Variants in ARHGEF38 observed in about 807,000 individuals in gnomAD.
ARHGEF38 encodes the protein Rho guanine nucleotide exchange factor 38.
In ARHGEF38, 79 loss-of-function variants were observed where a neutral mutation model predicts 79.9. That is an observed-to-expected ratio of 0.99 (90% CI 0.82 to 1.19). The LOEUF (loss-of-function observed/expected upper bound fraction) is 1.19. Ranked by LOEUF, ARHGEF38 falls within the 50% of genes most tolerant of loss-of-function variation. ARHGEF38 has a pLI of 0.00. For missense variants in ARHGEF38, 962 were observed against 907.2 expected (o/e 1.06, Z -0.78); for synonymous variants, 366 against 328.3 (o/e 1.11, Z -1.24).
chr4:105,570,147 C>T (rs1726149201), intron 1 of ARHGEF38: 1 of 152,190 alleles, frequency 6.6e-6, no homozygotes, highest in Non-Finnish European at 1.5e-5. Context: ...TATTTACATA[C>T]ATTCACTGTA....
intron 7 of ARHGEF38, among the ~76,000 whole-genome samples, chr4:105,650,864 G>A (rs2110549949): frequency 6.6e-6 from 1 of 152,274 alleles, no homozygotes; most frequent in South Asian, 2.1e-4. Context: ...TAAGAAGTTG[G>A]GGACATTTAT....
At chr4:105,616,099 A>G (rs1417735990) in intron 3 of ARHGEF38, among the ~76,000 whole-genome samples, 1 of 152,196 alleles carries the variant, frequency 6.6e-6, no homozygotes, top group Non-Finnish European at 1.5e-5. Flanking sequence ...TAAAATATGT[A>G]TGGAAAATAG....
At chr4:105,580,113 T>C (rs112238642) in intron 1 of ARHGEF38, among the ~76,000 whole-genome samples, 1 of 90,448 alleles carries the variant, frequency 1.1e-5, no homozygotes, top group Non-Finnish European at 2.4e-5. Flanking sequence ...TGGATCTTTT[T>C]TCTTCTTTAT....
chr4:105,655,855 T>C (rs1730299710), intron 9 of ARHGEF38, 133 bp downstream of exon 9: 1 of 1,006,290 alleles, frequency 9.9e-7, no homozygotes, highest in Admixed American at 3.1e-5. Flanking sequence ...AATTAGTAGA[T>C]TTAAATGGGA....
At chr4:105,553,692 C>G (rs1001280048) in intron 1 of ARHGEF38, among the ~76,000 whole-genome samples, 2 of 152,162 alleles carry the variant, frequency 1.3e-5, no homozygotes, top group Non-Finnish European at 2.9e-5. Context: ...TCTATCCTTT[C>G]TTTCTCTCCT....
At chr4:105,588,237 A>G (rs1026794008) in intron 1 of ARHGEF38, among the ~76,000 whole-genome samples, 2 of 152,224 alleles carry the variant, frequency 1.3e-5, no homozygotes, top group East Asian at 3.8e-4. Context: ...GTAAAGTCCC[A>G]CATTCTCAGG....
intron 1 of ARHGEF38, among the ~76,000 whole-genome samples, chr4:105,560,850 A>T (rs1423671890): frequency 6.6e-6 from 1 of 152,202 alleles, no homozygotes; most frequent in Non-Finnish European, 1.5e-5. Context: ...TTAGGTCTCC[A>T]GTGTCACTAC....
chr4:105,586,609 C>A (rs1727061429), intron 1 of ARHGEF38, among the ~76,000 whole-genome samples: 1 of 152,190 alleles, frequency 6.6e-6, no homozygotes, highest in Admixed American at 6.5e-5. Context: ...AACCCAAATG[C>A]ATGTTTTAGG....
At chr4:105,585,415 A>T (rs1482281550) in intron 1 of ARHGEF38, among the ~76,000 whole-genome samples, 2 of 152,144 alleles carry the variant, frequency 1.3e-5, no homozygotes, top group African/African-American at 2.4e-5. Context: ...AACTGCAACA[A>T]CCTCTTTTTA....
intron 2 of ARHGEF38, among the ~76,000 whole-genome samples, chr4:105,609,903 C>A (rs929988101): frequency 6.6e-6 from 1 of 152,070 alleles, no homozygotes; most frequent in Non-Finnish European, 1.5e-5. Flanking sequence ...AAGACACATG[C>A]ACACGTATGT....
chr4:105,606,610 T>C (rs923856400), intron 2 of ARHGEF38, among the ~76,000 whole-genome samples: 3 of 152,114 alleles, frequency 2.0e-5, no homozygotes, highest in Non-Finnish European at 4.4e-5. Context: ...TAAGAGCTGA[T>C]TATAATAATG....
intron 10 of ARHGEF38, among the ~76,000 whole-genome samples, chr4:105,663,719 C>T (rs1335784297): frequency 1.3e-5 from 2 of 152,172 alleles, no homozygotes; most frequent in Non-Finnish European, 1.5e-5. Context: ...CCTGTAATCC[C>T]AGCACTTTGG....
chr4:105,631,274 T>C (rs889773361), intron 4 of ARHGEF38: 6 of 1,173,076 alleles, frequency 5.1e-6, no homozygotes, highest in Non-Finnish European at 6.3e-6. Flanking sequence ...TTTAGAGCTC[T>C]GCAGCGATTG....
intron 9 of ARHGEF38, among the ~76,000 whole-genome samples, chr4:105,658,582 C>T (rs1343863916): frequency 1.3e-5 from 2 of 152,052 alleles, no homozygotes; most frequent in Admixed American, 6.6e-5. Flanking sequence ...GGTACAGTCT[C>T]CTATGGGATG....
At chr4:105,603,864 C>T (rs1727927270) in intron 2 of ARHGEF38, among the ~76,000 whole-genome samples, 1 of 152,186 alleles carries the variant, frequency 6.6e-6, no homozygotes, top group Admixed American at 6.6e-5. Context: ...AAACAGTTCA[C>T]TGAACTTTCC....
chr4:105,611,725 A>G (rs571542627), intron 2 of ARHGEF38, among the ~76,000 whole-genome samples: 2 of 152,246 alleles, frequency 1.3e-5, no homozygotes, highest in African/African-American at 2.4e-5. Context: ...ATGATCAGTT[A>G]AGGAATATTT....
chr4:105,653,769 T>C (rs191909333), intron 7 of ARHGEF38, among the ~76,000 whole-genome samples: 1 of 152,336 alleles, frequency 6.6e-6, no homozygotes, highest in East Asian at 1.9e-4. Context: ...ATATATGCCA[T>C]TAAAAACTAC....
chr4:105,660,343 A>C (rs1179551466), intron 10 of ARHGEF38, among the ~76,000 whole-genome samples: 1 of 152,182 alleles, frequency 6.6e-6, no homozygotes, highest in Non-Finnish European at 1.5e-5. Flanking sequence ...AAAAGTAAAA[A>C]ACAGCATATT....
chr4:105,629,941 C>T (rs1729111572), intron 3 of ARHGEF38, among the ~76,000 whole-genome samples: 1 of 152,118 alleles, frequency 6.6e-6, no homozygotes, highest in South Asian at 2.1e-4. Context: ...CCATTGCTTG[C>T]CTTTCAGAGA....
Sources: allele counts gnomAD v4.1 joint callset (sites outside exome capture counted in the v4.1 genomes callset), GRCh38; gene constraint gnomAD v4.1.1; transcripts MANE v1.5; gene names NCBI Gene and HGNC (gene_info 2026-07-23, HGNC 2026-07-21).